Variants in DIO2 observed in about 807,000 individuals in gnomAD.
DIO2 encodes iodothyronine deiodinase 2.
A neutral mutation model predicts 21.4 loss-of-function variants in DIO2; 19 were observed. That is an observed-to-expected ratio of 0.89 (90% CI 0.62 to 1.30). The LOEUF is 1.30. DIO2 is among the 50% of genes most tolerant of loss of function. The pLI is 0.00. For missense variants in DIO2, 302 were observed against 338.1 expected, an observed-to-expected ratio of 0.89 and a Z score of 0.84; for synonymous variants, 122 against 132.9, an observed-to-expected ratio of 0.92 and a Z score of 0.57.
chr14:80,219,306 T>C (rs957246987), intron 2 of DIO2: 2 of 152,176 alleles, frequency 1.3e-5, no homozygotes, highest in Non-Finnish European at 2.9e-5. Flanking sequence ...TGCTAAATAT[T>C]AGAAAAGTAG....
At chr14:80,215,238 T>G (rs1888324204), upstream of DIO2, among the ~76,000 whole-genome samples, 1 of 152,242 alleles carries the variant, frequency 6.6e-6, no homozygotes, top group Admixed American at 6.5e-5. Flanking sequence ...CAAAATGCTT[T>G]GGGCTTTTTA....
upstream of DIO2, among the ~76,000 whole-genome samples, chr14:80,215,517 C>T (rs1369081573): frequency 6.6e-6 from 1 of 152,178 alleles, no homozygotes; most frequent in Non-Finnish European, 1.5e-5. Flanking sequence ...ACAGTTCTGT[C>T]ATGTTAACAA....
At position 80,198,782 on chromosome 14, in the gene DIO2, A is replaced by G. The variant is rs1887591311; in HGVS notation, c.*3907T>C. ...CCATACCATTTAGGGAAAAAAAAAAAAAAAAAAAAACCTCCTAAAATTAAA... is the reference window on the plus strand; with the variant it reads ...CCATACCATTTAGGGAAAAAAAAAAGAAAAAAAAAACCTCCTAAAATTAAA... On this transcript the variant is annotated 3_prime_UTR_variant, in exon 2 of 2. Transcript: ENST00000438257. 1 of 151,990 alleles carries G rather than the reference A, an allele frequency of 6.6e-6. No individual in the cohort carries two copies. Among genetic ancestry groups the G allele is most frequent in the African/African-American group, 2.4e-5 (1 of 41,408 alleles). The allele number at this position is 151,990 out of a possible 1,614,324, so 9.4% of individuals were successfully genotyped here.
intron 1 of DIO2, among the ~76,000 whole-genome samples, chr14:80,210,080 T>C (rs1400083648): frequency 6.6e-6 from 1 of 152,208 alleles, no homozygotes; most frequent in African/African-American, 2.4e-5. Context: ...TCCTCTAAAA[T>C]ACAGATGTAC....
At chr14:80,227,061 A>G (rs1888591178) in intron 2 of DIO2, among the ~76,000 whole-genome samples, 1 of 152,178 alleles carries the variant, frequency 6.6e-6, no homozygotes, top group African/African-American at 2.4e-5. Context: ...AACCAGGTAC[A>G]CTGCTCAAAG....
intron 1 of DIO2, among the ~76,000 whole-genome samples, chr14:80,207,251 A>C (rs1887988305): frequency 6.6e-6 from 1 of 152,198 alleles, no homozygotes; most frequent in African/African-American, 2.4e-5. Flanking sequence ...ATATATAAAA[A>C]TTTGATTCCC....
At chr14:80,206,507 G>A (rs1887963834) in intron 1 of DIO2, among the ~76,000 whole-genome samples, 1 of 152,064 alleles carries the variant, frequency 6.6e-6, no homozygotes, top group South Asian at 2.1e-4. Flanking sequence ...GGTTTGCTGG[G>A]TTATGCACCC....
At chr14:80,206,747 G>T (rs535293913) in intron 1 of DIO2, among the ~76,000 whole-genome samples, 30 of 152,280 alleles carry the variant, frequency 2.0e-4, no homozygotes, top group Admixed American at 2.0e-3. Flanking sequence ...CTGGCCACAA[G>T]TTACCTATCA....
At chr14:80,220,127 T>A (rs1291123578) in intron 2 of DIO2, among the ~76,000 whole-genome samples, 3 of 152,022 alleles carry the variant, frequency 2.0e-5, no homozygotes, top group South Asian at 2.1e-4. Flanking sequence ...CAGGCTGGAG[T>A]GCAGTGGCGC....
In DIO2 at chr14:80,203,291, G is replaced by A; in HGVS notation, c.223-3C>T. Reference sequence around the variant, plus strand: ...GGGGCATCCTCACCCAATTTCACCTGACGGTAAAAAAAAAAAAAAAGAAGA... The same window carrying A: ...GGGGCATCCTCACCCAATTTCACCTAACGGTAAAAAAAAAAAAAAAGAAGA... On this transcript the variant is annotated splice_region_variant and splice_polypyrimidine_tract_variant and intron_variant, in intron 1 of 1. Coordinates refer to ENST00000438257, the MANE Select transcript of DIO2 (RefSeq NM_013989.5). The A allele has an allele frequency of 6.3e-6, 9 of 1,436,304 alleles. No individual in the cohort carries two copies. The highest frequency in any genetic ancestry group is 7.3e-6 in the Non-Finnish European group (8 of 1,102,396). The allele number at this position is 1,436,304 out of a possible 1,614,324, so 89.0% of individuals were successfully genotyped here.
chr14:80,203,408 C>T, intron 1 of DIO2, 120 bp from the exon 2 acceptor site: 1 of 1,183,702 alleles, frequency 8.4e-7, no homozygotes, highest in Non-Finnish European at 1.2e-6. Context: ...TGTGGTATTT[C>T]CTTCAGAGCA....
chr14:80,198,340 C>T lies in DIO2; in HGVS notation c.*4349G>A, dbSNP rs1481482930. ...CATGTTTGCTTTCTATTGGTTCAGA[C>T]TCACCTTGGAACAGAGCTGGGTCTG... is the stretch of plus-strand genomic sequence containing the variant. On this transcript the variant is annotated 3_prime_UTR_variant, in exon 2 of 2. Transcript: ENST00000438257. The T allele has an allele frequency of 1.3e-5, 2 of 152,662 alleles. No individual in the cohort carries two copies. The highest frequency in any genetic ancestry group is 3.9e-4 in the East Asian group (2 of 5,188). 9.5% of individuals were successfully genotyped at this position (152,662 alleles called of 1,614,324 possible).
chr14:80,225,562 C>T (rs916175041), intron 2 of DIO2, among the ~76,000 whole-genome samples: 13 of 152,328 alleles, frequency 8.5e-5, no homozygotes, highest in Admixed American at 7.2e-4. Context: ...TTACAATCCT[C>T]GTTTCTGCAG....
At chr14:80,208,580 G>A (rs766692925) in intron 1 of DIO2, among the ~76,000 whole-genome samples, 4 of 152,120 alleles carry the variant, frequency 2.6e-5, no homozygotes, top group African/African-American at 7.2e-5. Flanking sequence ...TCTCATCCTG[G>A]AAAACTTCAC....
In DIO2 at chr14:80,201,917, G is replaced by A. The variant is rs1887740808; in HGVS notation, c.*772C>T. On this transcript the variant is annotated 3_prime_UTR_variant, in exon 2 of 2. Coordinates refer to ENST00000438257, the MANE Select transcript of DIO2 (RefSeq NM_013989.5). ...TTCTATGTTTCCGTGGCTAACAAAT[G>A]TGACCCACTCTCTACAGCTTAAGGG... 1.9e-5 allele frequency: 3 copies of A among 155,940 alleles called. No individual in the cohort carries two copies. Among genetic ancestry groups the A allele is most frequent in the Non-Finnish European group, 4.2e-5 (3 of 70,790 alleles). The allele number at this position is 155,940 out of a possible 1,614,324, so 9.7% of individuals were successfully genotyped here. A position where few individuals can be genotyped will look rare whatever the true frequency, so the allele number is the denominator to read the frequency against.
At chr14:80,205,866 C>G in intron 1 of DIO2, 2 of 442,972 alleles carry the variant, frequency 4.5e-6, no homozygotes, top group Non-Finnish European at 6.9e-6. Context: ...TGTTATAATT[C>G]TAGGTCAGTG....
intron 2 of DIO2, among the ~76,000 whole-genome samples, chr14:80,228,861 G>C (rs138025570): frequency 6.6e-6 from 1 of 152,114 alleles, no homozygotes; most frequent in Non-Finnish European, 1.5e-5. Flanking sequence ...GGGTCCCCTG[G>C]AATCAACATC....
rs1170542103 is a variant in DIO2, at chr14:80,202,187, G to T, written c.*502C>A. Reference sequence around the variant, plus strand: ...ACATCAGAAATGACTCTAACATAAGGTCTAACCTTAACACCAACGTCTAAC... The same window carrying T: ...ACATCAGAAATGACTCTAACATAAGTTCTAACCTTAACACCAACGTCTAAC... On this transcript the variant is annotated 3_prime_UTR_variant, in exon 2 of 2. Coordinates refer to ENST00000438257, the MANE Select transcript of DIO2 (RefSeq NM_013989.5). 7.1e-6 allele frequency: 3 copies of T among 421,892 alleles called. No homozygotes were observed. Among genetic ancestry groups the T allele is most frequent in the Admixed American group, 2.8e-5 (1 of 35,744 alleles). 26.1% of individuals were successfully genotyped at this position (421,892 alleles called of 1,614,324 possible). A position where few individuals can be genotyped will look rare whatever the true frequency, so the allele number is the denominator to read the frequency against.
At chr14:80,203,434 T>C (rs1887828154) in intron 1 of DIO2, 146 bp from the exon 2 acceptor site, 1 of 1,017,436 alleles carries the variant, frequency 9.8e-7, no homozygotes, top group Admixed American at 2.9e-5. Context: ...TAAACATTTA[T>C]TGATTTGAGT....
Sources: gnomAD v4.1 joint callset for allele counts (sites outside exome capture counted in the v4.1 genomes callset) on GRCh38, gnomAD v4.1.1 for gene constraint, MANE v1.5 for transcripts, NCBI Gene and HGNC (gene_info 2026-07-23, HGNC 2026-07-21) for gene names.